The following UNC5D variants were observed in gnomAD, a reference collection of about 807,000 sequenced individuals.
The protein encoded by UNC5D is netrin receptor UNC5D.
A neutral mutation model predicts 105.4 loss-of-function variants in UNC5D; 39 were observed. The ratio of observed to expected loss-of-function variants is 0.37; its 90% confidence interval spans 0.29 to 0.48. UNC5D has a LOEUF of 0.48. Ranked by LOEUF, UNC5D falls within the 20% of genes least tolerant of loss-of-function variation. UNC5D has a pLI of 0.98. For synonymous variants in UNC5D, 452 were observed against 450.4 expected (o/e 1.00, Z -0.04); for missense variants, 991 against 1,202.4 (o/e 0.82, Z 2.60).
At chr8:35,620,538 C>A (rs1465129623) in intron 4 of UNC5D, among the ~76,000 whole-genome samples, 1 of 152,100 alleles carries the variant, frequency 6.6e-6, no homozygotes, top group Admixed American at 6.5e-5. Context: ...GTTCCGATTA[C>A]CCTTTGCATC....
intron 1 of UNC5D, among the ~76,000 whole-genome samples, chr8:35,304,522 C>T (rs2950893): frequency 0.36 from 54,816 of 151,830 alleles, 10,899 homozygotes; most frequent in Middle Eastern, 0.45. Context: ...AAGGAAATGA[C>T]TTTTTAATGA....
At chr8:35,267,183 T>A (rs1173128169) in intron 1 of UNC5D, among the ~76,000 whole-genome samples, 1 of 151,910 alleles carries the variant, frequency 6.6e-6, no homozygotes, top group Non-Finnish European at 1.5e-5. Flanking sequence ...AATCACTGAT[T>A]GAGTAGTCAT....
intron 3 of UNC5D, among the ~76,000 whole-genome samples, chr8:35,580,583 A>C (rs989129875): frequency 2.0e-5 from 3 of 152,178 alleles, no homozygotes; most frequent in African/African-American, 4.8e-5. Context: ...TAGGAGACCC[A>C]TGAGGGAGAA....
Position 35,722,195 on chromosome 8 carries a change from T to C in UNC5D, c.1118-15T>C. 1 of 1,610,968 alleles carries C rather than the reference T, an allele frequency of 6.2e-7. No homozygotes were observed. The highest frequency in any genetic ancestry group is 8.5e-7 in the Non-Finnish European group (1 of 1,178,800). ...GCCCATGCTGGTCACTTACAATTTC[T>C]CTTGTGTCTTTCAGGCATTGAGAAT... On this transcript the variant is annotated splice_polypyrimidine_tract_variant and intron_variant, in intron 8 of 16. Coordinates refer to ENST00000404895, the MANE Select transcript of UNC5D (RefSeq NM_080872.4).
chr8:35,421,725 A>AAAAATAC (rs1191295904), intron 1 of UNC5D, among the ~76,000 whole-genome samples: 1 of 152,182 alleles, frequency 6.6e-6, no homozygotes, highest in African/African-American at 2.4e-5. Context: ...ACACACATAG[A>AAAAATAC]AAAATACAAC....
intron 1 of UNC5D, among the ~76,000 whole-genome samples, chr8:35,444,940 CCTT>C (rs1807673846): frequency 6.6e-6 from 1 of 151,986 alleles, no homozygotes; most frequent in Non-Finnish European, 1.5e-5. Flanking sequence ...TAACAAAACA[CCTT>C]CTTCTGTTTA....
Position 35,272,286 on chromosome 8 carries a change from G to A in UNC5D, c.103+36399G>A, listed in dbSNP as rs140847859. Among the ~76,000 whole-genome samples, 334 of 152,214 alleles carry A rather than the reference G, an allele frequency of 2.2e-3. 3 individuals carry two copies. The highest frequency in any genetic ancestry group is 0.012 in the South Asian group (57 of 4,832). ...ATTTCTTCCTTTTTTAGAATTTTCC[G>A]TTTTAAATGACCGTCCTTGGTTGGG... On this transcript the variant is annotated intron_variant, in intron 1 of 16. Transcript: ENST00000404895.
At chr8:35,269,426 G>A (rs962571569) in intron 1 of UNC5D, among the ~76,000 whole-genome samples, 23 of 152,080 alleles carry the variant, frequency 1.5e-4, no homozygotes, top group Non-Finnish European at 2.4e-4. Context: ...TCAAATGCTC[G>A]CTTCTTCATG....
intron 11 of UNC5D, among the ~76,000 whole-genome samples, chr8:35,733,235 G>A (rs190127619): frequency 1.1e-4 from 16 of 152,196 alleles, no homozygotes; most frequent in South Asian, 2.1e-4. Flanking sequence ...GATAGCTCAC[G>A]ACTACTTAGA....
At chr8:35,454,767 T>C (rs1252257908) in intron 1 of UNC5D, among the ~76,000 whole-genome samples, 2 of 152,148 alleles carry the variant, frequency 1.3e-5, no homozygotes, top group Non-Finnish European at 2.9e-5. Context: ...TTTGTATGCC[T>C]TTTTCCTGTT....
intron 1 of UNC5D, among the ~76,000 whole-genome samples, chr8:35,488,319 T>C (rs867640089): frequency 6.6e-6 from 1 of 152,144 alleles, no homozygotes; most frequent in Admixed American, 6.5e-5. Context: ...GTAGATTTCT[T>C]GGATTCTAAA....
chr8:35,739,949 A>T (rs1020590243), intron 11 of UNC5D, among the ~76,000 whole-genome samples: 1 of 152,210 alleles, frequency 6.6e-6, no homozygotes, highest in Non-Finnish European at 1.5e-5. Flanking sequence ...TTTAAATTAA[A>T]CCATAACAAC....
intron 1 of UNC5D, among the ~76,000 whole-genome samples, chr8:35,277,349 T>A (rs931520926): frequency 6.6e-6 from 1 of 152,210 alleles, no homozygotes. Flanking sequence ...TAAAGGCTAG[T>A]ACATGGATTG....
chr8:35,620,075 G>C (rs1369059915), intron 4 of UNC5D, among the ~76,000 whole-genome samples: 1 of 152,120 alleles, frequency 6.6e-6, no homozygotes, highest in Non-Finnish European at 1.5e-5. Flanking sequence ...AAAAGAGGGG[G>C]TCAAAGATCT....
Position 35,257,742 on chromosome 8 carries a change from C to T in UNC5D, c.103+21855C>T, listed in dbSNP as rs568119061. On this transcript the variant is annotated intron_variant, in intron 1 of 16. Coordinates refer to ENST00000404895, the MANE Select transcript of UNC5D (RefSeq NM_080872.4). Reference sequence around the variant, plus strand: ...TATTGACACCATTGGTCAGTATTACCGCAGGAGAATTCATACGTATTTAAC... The same window carrying T: ...TATTGACACCATTGGTCAGTATTACTGCAGGAGAATTCATACGTATTTAAC... 1.7e-3 allele frequency among the ~76,000 whole-genome samples: 258 copies of T among 152,200 alleles called. 1 individual carries two copies. Among genetic ancestry groups the T allele is most frequent in the African/African-American group, 5.9e-3 (247 of 41,528 alleles).
chr8:35,616,210 G>A (rs1821015677), intron 4 of UNC5D, among the ~76,000 whole-genome samples: 2 of 152,206 alleles, frequency 1.3e-5, no homozygotes, highest in East Asian at 3.9e-4. Flanking sequence ...CGAGTGATCT[G>A]TGCCAATATT....
chr8:35,318,319 C>T (rs1166467495), intron 1 of UNC5D, among the ~76,000 whole-genome samples: 1 of 151,976 alleles, frequency 6.6e-6, no homozygotes, highest in Non-Finnish European at 1.5e-5. Context: ...ATTCACCCAC[C>T]ATTAATAATA....
chr8:35,677,473 T>C (rs1418647789), intron 4 of UNC5D, among the ~76,000 whole-genome samples: 1 of 152,054 alleles, frequency 6.6e-6, no homozygotes, highest in Non-Finnish European at 1.5e-5. Flanking sequence ...AGAGAATTTT[T>C]TTTTCCTATT....
intron 1 of UNC5D, 113 bp downstream of exon 1, chr8:35,236,000 C>T: frequency 1.1e-6 from 1 of 950,858 alleles, no homozygotes; most frequent in Admixed American, 4.4e-5. Flanking sequence ...TGCACCTCGG[C>T]GCTCCAAGCC....
Sources: gnomAD v4.1 joint callset for allele counts (sites outside exome capture counted in the v4.1 genomes callset) on GRCh38, gnomAD v4.1.1 for gene constraint, MANE v1.5 for transcripts, NCBI Gene and HGNC (gene_info 2026-07-23, HGNC 2026-07-21) for gene names.